The following RBFOX3 variants were observed in gnomAD, a reference collection of about 807,000 sequenced individuals.
The protein encoded by RBFOX3 is RNA binding protein fox-1 homolog 3.
Under a neutral mutation model 48.7 loss-of-function variants are expected in RBFOX3, and 17 were observed. The ratio of observed to expected loss-of-function variants is 0.35; its 90% CI spans 0.24 to 0.52. RBFOX3 has a LOEUF of 0.52. Ranked by LOEUF, RBFOX3 falls within the 20% of genes least tolerant of loss-of-function variation. The probability of loss-of-function intolerance (pLI) is 0.94; values close to 1 mark genes in which losing one functional copy is unlikely to be tolerated. For missense variants in RBFOX3, 382 were observed against 497.5 expected (o/e 0.77, Z 2.21); for synonymous variants, 212 against 209.5 (o/e 1.01, Z -0.10).
chr17:79,448,571 C>T (rs2072828481), intron 2 of RBFOX3, among the ~76,000 whole-genome samples: 1 of 152,204 alleles, frequency 6.6e-6, no homozygotes, highest in Admixed American at 6.5e-5. Context: ...AGGATGGACC[C>T]TCCCCTGAAG....
At chr17:79,515,245 C>G (rs1450025947) in intron 1 of RBFOX3, among the ~76,000 whole-genome samples, 2 of 152,202 alleles carry the variant, frequency 1.3e-5, no homozygotes, top group Admixed American at 6.5e-5. Flanking sequence ...CTGTGGCAAG[C>G]CTCCCACTGC....
chr17:79,611,130 T>TCTCTCCCTCTCTC (rs1491548376), upstream of RBFOX3, among the ~76,000 whole-genome samples: 2 of 37,846 alleles, frequency 5.3e-5, no homozygotes, highest in Non-Finnish European at 8.5e-5. Context: ...TCCGCCCTCC[T>TCTCTCCCTCTCTC]TCTCTCTCTC....
rs11285839 is a variant in RBFOX3 at position 79,205,838 on chromosome 17, C to CTTT, written c.-34+29925_-34+29927dup. On this transcript the variant is annotated intron_variant, in intron 4 of 14. Coordinates refer to ENST00000693108, the MANE Select transcript of RBFOX3 (RefSeq NM_001350451.2). This position sits in a 1 kb window ranked among gnomAD's most constrained non-coding sequence, Gnocchi z 4.5. Reference sequence around the variant, plus strand: ...TCCATAAAGAGTCAAAAGCAGTTGGCTTTTTTTTTTTTTTTCCTTAAAGTA... The same window carrying CTTT: ...TCCATAAAGAGTCAAAAGCAGTTGGCTTTTTTTTTTTTTTTTTTCCTTAAAGTA... Among the ~76,000 whole-genome samples the CTTT allele has an allele frequency of 1.4e-5, 2 of 146,374 alleles. No homozygotes were observed. The highest frequency in any genetic ancestry group is 1.5e-5 in the Non-Finnish European group (1 of 66,564).
chr17:79,227,221 C>T (rs2060410810), intron 4 of RBFOX3, among the ~76,000 whole-genome samples: 1 of 152,220 alleles, frequency 6.6e-6, no homozygotes, highest in Non-Finnish European at 1.5e-5. Flanking sequence ...AGGCGAATTC[C>T]AGCAGAGGAG....
At chr17:79,211,105 G>C (rs1386274009) in intron 4 of RBFOX3, among the ~76,000 whole-genome samples, 1 of 152,100 alleles carries the variant, frequency 6.6e-6, no homozygotes, top group Non-Finnish European at 1.5e-5. Flanking sequence ...TGAGGGTGCC[G>C]AGTTTTGGAG....
chr17:79,449,799 TGG>T (rs2073119462), intron 2 of RBFOX3, among the ~76,000 whole-genome samples: 1 of 152,172 alleles, frequency 6.6e-6, no homozygotes, highest in Non-Finnish European at 1.5e-5. Context: ...GAGAGTGGTC[TGG>T]GCAGGAGAAG....
chr17:79,253,563 A>G (rs933713850), intron 3 of RBFOX3, among the ~76,000 whole-genome samples: 1 of 152,172 alleles, frequency 6.6e-6, no homozygotes, highest in Non-Finnish European at 1.5e-5. Flanking sequence ...GAAGATATAT[A>G]TTTTTAAAGC....
chr17:79,390,740 G>A lies in RBFOX3; in HGVS notation c.-174-82916C>T, dbSNP rs958547482. On this transcript the variant is annotated intron_variant, in intron 2 of 14. Coordinates refer to ENST00000693108, the MANE Select transcript of RBFOX3 (RefSeq NM_001350451.2). This position sits in a 1 kb window ranked among gnomAD's most constrained non-coding sequence, Gnocchi z 4.2. The stretch of plus-strand genomic sequence containing the variant: ...AATCTGCCCGTCTCGGCCTCCCAAC[G>A]CATGGCCCATTCAAAGTTTGCCAGA... Among the ~76,000 whole-genome samples, 2 of 152,176 alleles carry A rather than the reference G, an allele frequency of 1.3e-5. No individual in the cohort carries two copies. The highest frequency in any genetic ancestry group is 2.4e-5 in the African/African-American group (1 of 41,442).
intron 3 of RBFOX3, among the ~76,000 whole-genome samples, chr17:79,277,554 CG>C (rs1056199013): frequency 3.3e-5 from 5 of 152,214 alleles, no homozygotes; most frequent in African/African-American, 1.2e-4. Flanking sequence ...CTGTTACAGC[CG>C]ACGCGGTATG....
At chr17:79,120,732 G>GGATGGAAGGGTGGGTGGGTT (rs2035511519) in intron 4 of RBFOX3, among the ~76,000 whole-genome samples, 1 of 151,218 alleles carries the variant, frequency 6.6e-6, no homozygotes, top group Non-Finnish European at 1.5e-5. Flanking sequence ...GTGGGTGGGT[G>GGATGGAAGGGTGGGTGGGTT]GATGGATGGA....
chr17:79,218,069 G>C (rs2059280718), intron 4 of RBFOX3, among the ~76,000 whole-genome samples: 1 of 152,124 alleles, frequency 6.6e-6, no homozygotes, highest in African/African-American at 2.4e-5. Flanking sequence ...GGTGGACGGT[G>C]GTACCCACTG....
At chr17:79,621,986 C>A in the RBFOX3 span, among the ~76,000 whole-genome samples, 1 of 152,222 alleles carries the variant, frequency 6.6e-6, no homozygotes, top group South Asian at 2.1e-4. Context: ...ACCTCTCAGA[C>A]CCTGAACTGT....
chr17:79,578,590 C>T (rs950035334), intron 1 of RBFOX3, among the ~76,000 whole-genome samples: 1 of 152,262 alleles, frequency 6.6e-6, no homozygotes, highest in Non-Finnish European at 1.5e-5. Flanking sequence ...CAGGGACCTG[C>T]ACATTCGTGC....
chr17:79,296,533 C>T (rs1208842587), intron 3 of RBFOX3, among the ~76,000 whole-genome samples: 1 of 152,128 alleles, frequency 6.6e-6, no homozygotes, highest in Admixed American at 6.5e-5. Flanking sequence ...AGGAGGGTAG[C>T]CCCAGTCTAA....
At chr17:79,428,870 T>C (rs1390711452) in intron 2 of RBFOX3, among the ~76,000 whole-genome samples, 1 of 152,230 alleles carries the variant, frequency 6.6e-6, no homozygotes, top group African/African-American at 2.4e-5. Context: ...AGGGACCTTG[T>C]ATAAGTAAAG....
chr17:79,520,752 G>A (rs2085943836), intron 1 of RBFOX3, among the ~76,000 whole-genome samples: 1 of 152,298 alleles, frequency 6.6e-6, no homozygotes, highest in Non-Finnish European at 1.5e-5. Flanking sequence ...TCCCCTCCAG[G>A]GCGGCAGGGA....
intron 1 of RBFOX3, among the ~76,000 whole-genome samples, chr17:79,507,274 C>A (rs964411063): frequency 6.6e-6 from 1 of 152,212 alleles, no homozygotes. Context: ...TGCGCCCACA[C>A]CACCTGCCAC....
At chr17:79,650,022 C>T in the RBFOX3 span, among the ~76,000 whole-genome samples, 1 of 152,188 alleles carries the variant, frequency 6.6e-6, no homozygotes, top group Non-Finnish European at 1.5e-5. Flanking sequence ...AATCACGTCC[C>T]ACCAGGCCCC....
intron 2 of RBFOX3, among the ~76,000 whole-genome samples, chr17:79,465,973 G>T (rs1017795851): frequency 6.6e-6 from 1 of 152,148 alleles, no homozygotes. Flanking sequence ...GCATCCCCAC[G>T]GCCCCCAGGA....
Sources: allele counts gnomAD v4.1 joint callset (sites outside exome capture counted in the v4.1 genomes callset), GRCh38; gene constraint gnomAD v4.1.1; non-coding constraint Gnocchi (gnomAD v3.1); transcripts MANE v1.5; gene names NCBI Gene and HGNC (gene_info 2026-07-23, HGNC 2026-07-21).